The following HSF2BP variants were observed in gnomAD, a reference collection of about 807,000 sequenced individuals.
HSF2BP encodes the protein heat shock factor 2-binding protein.
In HSF2BP, 35 loss-of-function variants were observed where a neutral mutation model predicts 35.0. The observed-to-expected ratio is 1.00, with a 90% CI of 0.76 to 1.32. HSF2BP has a LOEUF of 1.32. Ranked by LOEUF, HSF2BP falls within the 40% of genes most tolerant of loss-of-function variation. The pLI, the probability that HSF2BP is intolerant of heterozygous loss-of-function variation, is 0.00. For missense variants in HSF2BP, 326 were observed against 321.7 expected, an observed-to-expected ratio of 1.01 and a Z score of -0.10; for synonymous variants, 114 against 117.4, an observed-to-expected ratio of 0.97 and a Z score of 0.18.
At chr21:43,632,372 A>ATG (rs2082488074) in intron 5 of HSF2BP, among the ~76,000 whole-genome samples, 1 of 45,380 alleles carries the variant, frequency 2.2e-5, no homozygotes, top group Non-Finnish European at 3.8e-5. Context: ...TCCCACACAC[A>ATG]CACGCTCCCC....
chr21:43,621,165 C>T (rs752469885), intron 6 of HSF2BP, among the ~76,000 whole-genome samples: 14 of 152,136 alleles, frequency 9.2e-5, no homozygotes, highest in African/African-American at 3.4e-4. Flanking sequence ...AACTTAAAAA[C>T]AGCAAAAGAA....
intron 4 of HSF2BP, among the ~76,000 whole-genome samples, chr21:43,635,928 C>CAAAA (rs33999944): frequency 4.2e-5 from 3 of 71,108 alleles, no homozygotes; most frequent in African/African-American, 5.6e-5. Context: ...GACTCCATCT[C>CAAAA]AAAAAAAAAA....
intron 8 of HSF2BP, among the ~76,000 whole-genome samples, chr21:43,583,622 G>A (rs1269104990): frequency 6.8e-6 from 1 of 147,722 alleles, no homozygotes; most frequent in East Asian, 2.0e-4. Flanking sequence ...GACTGCTGAG[G>A]GAGATGAAGA....
intron 7 of HSF2BP, among the ~76,000 whole-genome samples, chr21:43,603,898 G>T (rs993517790): frequency 3.9e-5 from 6 of 152,140 alleles, no homozygotes; most frequent in African/African-American, 4.8e-5. Context: ...TGCCACAAAA[G>T]ACATGGACAT....
At chr21:43,603,920 G>C (rs951202755) in intron 7 of HSF2BP, among the ~76,000 whole-genome samples, 40 of 152,130 alleles carry the variant, frequency 2.6e-4, no homozygotes, top group African/African-American at 9.4e-4. Flanking sequence ...TGGCCCAATA[G>C]CAGAATCCAG....
intron 3 of HSF2BP, among the ~76,000 whole-genome samples, chr21:43,652,352 G>T (rs1404736551): frequency 7.0e-6 from 1 of 142,190 alleles, no homozygotes; most frequent in African/African-American, 2.6e-5. Context: ...GCAGTGAGCT[G>T]AGATCACACC....
At chr21:43,598,462 C>T (rs1340559916) in intron 7 of HSF2BP, among the ~76,000 whole-genome samples, 7 of 151,252 alleles carry the variant, frequency 4.6e-5, no homozygotes, top group Admixed American at 4.6e-4. Flanking sequence ...CCTCAGGTGA[C>T]CCACCTGCCT....
At chr21:43,599,959 A>C (rs1318626846) in intron 7 of HSF2BP, among the ~76,000 whole-genome samples, 1 of 152,066 alleles carries the variant, frequency 6.6e-6, no homozygotes, top group Admixed American at 6.6e-5. Flanking sequence ...GCTCCAAAAG[A>C]GCAACTTCCC....
intron 6 of HSF2BP, among the ~76,000 whole-genome samples, chr21:43,620,054 C>T (rs987597814): frequency 6.6e-6 from 1 of 151,992 alleles, no homozygotes; most frequent in African/African-American, 2.4e-5. Flanking sequence ...GAGGCAGCAA[C>T]CTAGCAGAAA....
Position 43,584,995 on chromosome 21 carries a change from A to ATTAT in HSF2BP, c.796+7226_796+7229dup, listed in dbSNP as rs557734689. On this transcript the variant is annotated intron_variant, in intron 8 of 8. Coordinates refer to ENST00000291560, the MANE Select transcript of HSF2BP (RefSeq NM_007031.2). ...CATGCTCTAGGTATAATTTTATTTA[A>ATTAT]TTATTTATTTATTTATTTATTTATT... Among the ~76,000 whole-genome samples the ATTAT allele has an allele frequency of 1.7e-3, 258 of 151,590 alleles. 2 individuals carry two copies. The highest frequency in any genetic ancestry group is 2.1e-3 in the South Asian group (10 of 4,814).
chr21:43,626,686 A>G (rs2082393489), intron 6 of HSF2BP, among the ~76,000 whole-genome samples: 1 of 152,140 alleles, frequency 6.6e-6, no homozygotes, highest in Non-Finnish European at 1.5e-5. Context: ...ACTGGTTTGA[A>G]GTTGGTGTTT....
At chr21:43,637,887 C>T (rs1048503359) in intron 4 of HSF2BP, among the ~76,000 whole-genome samples, 9 of 151,950 alleles carry the variant, frequency 5.9e-5, no homozygotes, top group Admixed American at 3.9e-4. Context: ...AACGCATCTG[C>T]AAAAACCTAC....
intron 7 of HSF2BP, among the ~76,000 whole-genome samples, chr21:43,601,605 G>A (rs80096672): frequency 0.025 from 3,776 of 152,204 alleles, 49 homozygotes; most frequent in Middle Eastern, 0.065. Context: ...CAGAAGAGCC[G>A]ATGTTCACAG....
chr21:43,583,581 G>A (rs1386811845), intron 8 of HSF2BP, among the ~76,000 whole-genome samples: 1 of 146,066 alleles, frequency 6.8e-6, no homozygotes, highest in Non-Finnish European at 1.5e-5. Context: ...ACCTGCTGAG[G>A]GAGATGAGGA....
rs1568885110 is a variant in HSF2BP at position 43,582,274 on chromosome 21, ATGAAGGCCTGCTGAGGGGG to A, written c.796+9932_796+9950del. Among the ~76,000 whole-genome samples, 9 of 116,758 alleles carry A rather than the reference ATGAAGGCCTGCTGAGGGGG, an allele frequency of 7.7e-5. 2 individuals are homozygous for A. The highest frequency in any genetic ancestry group is 3.4e-4 in the African/African-American group (9 of 26,426). 76.6% of individuals were successfully genotyped at this position (116,758 alleles called of 152,430 possible). On this transcript the variant is annotated intron_variant, in intron 8 of 8. Coordinates refer to ENST00000291560, the MANE Select transcript of HSF2BP (RefSeq NM_007031.2). ...GGGAGATGAGTGCCTGCTGAGGGGG[ATGAAGGCCTGCTGAGGGGG>A]ATGAAGACCTGCTGTGGGAGATAAG...
rs148906055 is a variant in HSF2BP at position 43,630,306 on chromosome 21, G to A, written c.574+16C>T. On this transcript the variant is annotated intron_variant, in intron 6 of 8. Transcript: ENST00000291560. Reference sequence around the variant, plus strand: ...GAAGCAAACAGGCAACATCTCTCAGGTGCGCCTGCACTTACTCGTGACAAT... The same window carrying A: ...GAAGCAAACAGGCAACATCTCTCAGATGCGCCTGCACTTACTCGTGACAAT... 3 of 1,602,094 alleles carry A rather than the reference G, an allele frequency of 1.9e-6. No individual in the cohort carries two copies. The highest frequency in any genetic ancestry group is 1.3e-5 in the African/African-American group (1 of 74,588).
intron 5 of HSF2BP, among the ~76,000 whole-genome samples, chr21:43,632,815 C>T (rs1230466648): frequency 2.0e-5 from 3 of 152,090 alleles, no homozygotes; most frequent in Non-Finnish European, 2.9e-5. Context: ...TGTGGCTTTT[C>T]GACTGTGCAG....
intron 3 of HSF2BP, among the ~76,000 whole-genome samples, chr21:43,649,544 A>T (rs1268090428): frequency 6.6e-6 from 1 of 152,220 alleles, no homozygotes; most frequent in Non-Finnish European, 1.5e-5. Flanking sequence ...GCTGGTTCAC[A>T]TTAACATCAA....
At position 43,604,637 on chromosome 21, in the gene HSF2BP, GCACACACACCA is replaced by G. The variant is rs1437793614; in HGVS notation, c.692+9182_692+9192del. On this transcript the variant is annotated intron_variant, in intron 7 of 8. Transcript: ENST00000291560. ...ACATCATACACCACACAATCATACA[GCACACACACCA>G]CACACACACCACACACACACACCAC... is the stretch of plus-strand genomic sequence containing the variant. 6.7e-4 allele frequency among the ~76,000 whole-genome samples: 67 copies of G among 100,624 alleles called. 1 individual carries two copies. The highest frequency in any genetic ancestry group is 1.9e-3 in the African/African-American group (48 of 24,896). 66.0% of individuals were successfully genotyped at this position (100,624 alleles called of 152,430 possible).
Sources: allele counts gnomAD v4.1 joint callset (sites outside exome capture counted in the v4.1 genomes callset), GRCh38; gene constraint gnomAD v4.1.1; transcripts MANE v1.5; gene names NCBI Gene and HGNC (gene_info 2026-07-23, HGNC 2026-07-21).